Variants in ZNF26 observed in about 807,000 individuals in gnomAD.
The protein encoded by ZNF26 is zinc finger protein 26, also known as epididymis luminal protein 179.
In ZNF26, 32 loss-of-function variants were observed where a neutral mutation model predicts 54.9. The observed-to-expected ratio is 0.58, with a 90% CI of 0.44 to 0.78. The LOEUF (loss-of-function observed/expected upper bound fraction) is 0.78. Among genes scored for constraint, ZNF26 ranks in the 30% least tolerant of loss-of-function variants. The pLI, the probability that ZNF26 is intolerant of heterozygous loss-of-function variation, is 0.00. For missense variants in ZNF26, 524 were observed against 634.0 expected, an observed-to-expected ratio of 0.83 and a Z score of 1.86; for synonymous variants, 221 against 209.2, an observed-to-expected ratio of 1.06 and a Z score of -0.49.
At chr12:133,003,572 G>T (rs1953265309) in intron 1 of ZNF26, among the ~76,000 whole-genome samples, 1 of 152,140 alleles carries the variant, frequency 6.6e-6, no homozygotes, top group African/African-American at 2.4e-5. Context: ...TTTTAGAGGT[G>T]TGTTTGTGTG....
In ZNF26 at chr12:133,011,736, A is replaced by C. The variant is rs943471569; in HGVS notation, c.*255A>C. ...ATCATCATGAAGATTCAGAGAATTT[A>C]CACTAGGAACACCTTATAAGTTGAA... On this transcript the variant is annotated 3_prime_UTR_variant, in exon 4 of 4. Transcript: ENST00000328654. 2.9e-4 allele frequency: 78 copies of C among 271,346 alleles called. 1 individual carries two copies. Among genetic ancestry groups the C allele is most frequent in the Admixed American group, 1.6e-3 (34 of 21,010 alleles). 16.8% of individuals were successfully genotyped at this position (271,346 alleles called of 1,614,324 possible).
chr12:133,019,125 G>A lies in ZNF26; in HGVS notation c.*7644G>A, dbSNP rs1312978761. Reference sequence around the variant, plus strand: ...AGTTTAAAACAAAAGTTTTACTAGAGATAAAGAAAAGTATTTTGTAAAGAT... The same window carrying A: ...AGTTTAAAACAAAAGTTTTACTAGAAATAAAGAAAAGTATTTTGTAAAGAT... On this transcript the variant is annotated 3_prime_UTR_variant, in exon 4 of 4. Coordinates refer to ENST00000328654, the MANE Select transcript of ZNF26 (RefSeq NM_019591.4). 5 of 152,028 alleles carry A rather than the reference G, an allele frequency of 3.3e-5. No homozygotes were observed. The East Asian group carries it at 9.6e-4, about 29-fold the overall frequency. 9.4% of individuals were successfully genotyped at this position (152,028 alleles called of 1,614,324 possible).
Position 133,001,795 on chromosome 12 carries a change from C to G in ZNF26, c.34-5247C>G. The G allele has an allele frequency of 2.1e-6, 2 of 941,756 alleles. No homozygotes were observed. The highest frequency in any genetic ancestry group is 1.2e-4 in the East Asian group (2 of 16,414). 58.3% of individuals were successfully genotyped at this position (941,756 alleles called of 1,614,324 possible). ...TGCTGAACCCTCACTCCCCAGCTGCCTTTTGAGAGTCCCGCGGCAGTCTTT... is the reference window on the plus strand; with the variant it reads ...TGCTGAACCCTCACTCCCCAGCTGCGTTTTGAGAGTCCCGCGGCAGTCTTT... On this transcript the variant is annotated intron_variant, in intron 1 of 3. Coordinates refer to ENST00000328654, the MANE Select transcript of ZNF26 (RefSeq NM_019591.4). The surrounding 1 kb of genome is among the most constrained non-coding windows in gnomAD (Gnocchi z 4.7).
intron 1 of ZNF26, among the ~76,000 whole-genome samples, chr12:132,992,307 T>A (rs1952981586): frequency 7.2e-6 from 1 of 139,062 alleles, no homozygotes; most frequent in South Asian, 2.3e-4. Flanking sequence ...GAATTCTGTT[T>A]TGATGATTTT....
At chr12:132,999,511 T>G (rs2137232967) in intron 1 of ZNF26, among the ~76,000 whole-genome samples, 1 of 152,258 alleles carries the variant, frequency 6.6e-6, no homozygotes, top group Admixed American at 6.5e-5. Context: ...TGCCTCAGCC[T>G]CCCAGAGTGC....
rs2137278981 is a variant in ZNF26, at chr12:133,019,431, A to G, written c.*7950A>G. ...AAAGATCCAAACAGACGTTTCTCAG[A>G]GAAGACATGCAAATGTCTAACAGGT... On this transcript the variant is annotated 3_prime_UTR_variant, in exon 4 of 4. Transcript: ENST00000328654. 1 of 152,364 alleles carries G rather than the reference A, an allele frequency of 6.6e-6. No individual in the cohort carries two copies. Among genetic ancestry groups the G allele is most frequent in the South Asian group, 2.1e-4 (1 of 4,826 alleles). 9.4% of individuals were successfully genotyped at this position (152,364 alleles called of 1,614,324 possible).
rs1229608155 is a variant in ZNF26 at position 133,023,464 on chromosome 12, G to A, written c.*11983G>A. 3.9e-5 allele frequency: 6 copies of A among 152,050 alleles called. No homozygotes were observed. Among genetic ancestry groups the A allele is most frequent in the African/African-American group, 1.2e-4 (5 of 41,382 alleles). 9.4% of individuals were successfully genotyped at this position (152,050 alleles called of 1,614,324 possible). ...CTTTTATAACCTTTACACCAAATCA[G>A]GATAGAGACAGTAGAAGAAAAAATA... On this transcript the variant is annotated 3_prime_UTR_variant, in exon 4 of 4. Coordinates refer to ENST00000328654, the MANE Select transcript of ZNF26 (RefSeq NM_019591.4).
intron 1 of ZNF26, among the ~76,000 whole-genome samples, chr12:132,992,419 G>A (rs1292844928): frequency 2.0e-5 from 3 of 150,998 alleles, no homozygotes; most frequent in African/African-American, 4.9e-5. Flanking sequence ...TTGATTTTTT[G>A]TGTTTTAAAA....
chr12:133,006,711 C>G (rs1317016462), intron 1 of ZNF26: 2 of 193,638 alleles, frequency 1.0e-5, no homozygotes, highest in African/African-American at 4.7e-5. Flanking sequence ...TCTCCTGCCT[C>G]AGCCACCTGA....
intron 3 of ZNF26, among the ~76,000 whole-genome samples, chr12:133,008,586 C>T (rs944103078): frequency 6.6e-6 from 1 of 151,432 alleles, no homozygotes; most frequent in East Asian, 1.9e-4. Flanking sequence ...ACCATCCTGA[C>T]TAACATGGTG....
Position 133,023,912 on chromosome 12 carries a change from T to G in ZNF26, c.*12431T>G, listed in dbSNP as rs2137287544. On this transcript the variant is annotated 3_prime_UTR_variant, in exon 4 of 4. Coordinates refer to ENST00000328654, the MANE Select transcript of ZNF26 (RefSeq NM_019591.4). ...AAATAATCCATATAGAGAAACCACA[T>G]AGAGAGGCTCTGAGATTACATAAAG... 6.6e-6 allele frequency: 1 copy of G among 152,156 alleles called. No homozygotes were observed. The highest frequency in any genetic ancestry group is 1.9e-4 in the East Asian group (1 of 5,186). 9.4% of individuals were successfully genotyped at this position (152,156 alleles called of 1,614,324 possible). A position where few individuals can be genotyped will look rare whatever the true frequency, so the allele number is the denominator to read the frequency against.
At position 132,991,672 on chromosome 12, in the gene ZNF26, G is replaced by A. The variant is rs979322381; in HGVS notation, c.33+4799G>A. 3.9e-3 allele frequency among the ~76,000 whole-genome samples: 595 copies of A among 150,682 alleles called. 3 individuals carry two copies. The highest frequency in any genetic ancestry group is 0.014 in the African/African-American group (564 of 40,874). On this transcript the variant is annotated intron_variant, in intron 1 of 3. Coordinates refer to ENST00000328654, the MANE Select transcript of ZNF26 (RefSeq NM_019591.4). The stretch of plus-strand genomic sequence containing the variant: ...TAAAAAAAAAACCAGGTGTGCTAGT[G>A]TGCACCTGTAGCCCCAGCTACTTGG...
chr12:132,996,166 C>A (rs1953077504), intron 1 of ZNF26, among the ~76,000 whole-genome samples: 1 of 152,178 alleles, frequency 6.6e-6, no homozygotes, highest in African/African-American at 2.4e-5. Flanking sequence ...ACTCAGTCTG[C>A]CATTCCAGCC....
chr12:133,019,040 T>C lies in ZNF26; in HGVS notation c.*7559T>C, dbSNP rs1382285177. ...TAGAAGTAAAGGATGGAAAAAGATA[T>C]AAAACGCAAACAGCAACCATAATAA... On this transcript the variant is annotated 3_prime_UTR_variant, in exon 4 of 4. Coordinates refer to ENST00000328654, the MANE Select transcript of ZNF26 (RefSeq NM_019591.4). The C allele has an allele frequency of 3.3e-5, 5 of 152,158 alleles. No homozygotes were observed. The highest frequency in any genetic ancestry group is 2.1e-4 in the South Asian group (1 of 4,834). The allele number at this position is 152,158 out of a possible 1,614,324, so 9.4% of individuals were successfully genotyped here.
intron 1 of ZNF26, among the ~76,000 whole-genome samples, chr12:132,988,868 CTAAG>C (rs1156952986): frequency 6.6e-6 from 1 of 151,844 alleles, no homozygotes; most frequent in Admixed American, 6.6e-5. Context: ...AGACTTACAC[CTAAG>C]TATTTAATTT....
chr12:133,008,379 C>G (rs1473126271), intron 3 of ZNF26, among the ~76,000 whole-genome samples: 2 of 152,188 alleles, frequency 1.3e-5, no homozygotes, highest in African/African-American at 4.8e-5. Context: ...TCTCTGCTCC[C>G]ACATCTAGTC....
At chr12:132,999,285 C>T (rs1953158639) in intron 1 of ZNF26, among the ~76,000 whole-genome samples, 1 of 152,198 alleles carries the variant, frequency 6.6e-6, no homozygotes, top group South Asian at 2.1e-4. Flanking sequence ...TGGAGTTTTG[C>T]TCTTTGTTGC....
intron 1 of ZNF26, chr12:132,987,666 C>A: frequency 1.0e-6 from 1 of 983,592 alleles, no homozygotes; most frequent in Non-Finnish European, 1.2e-6. Context: ...GTATTTCAGC[C>A]TGTAACTCAC....
chr12:132,989,063 G>C (rs1352952051), intron 1 of ZNF26, among the ~76,000 whole-genome samples: 1 of 99,548 alleles, frequency 1.0e-5, no homozygotes, highest in Non-Finnish European at 1.8e-5. Flanking sequence ...TTTTGAGACA[G>C]AGTCTCGCTG....
Sources: allele counts gnomAD v4.1 joint callset (sites outside exome capture counted in the v4.1 genomes callset), GRCh38; gene constraint gnomAD v4.1.1; non-coding constraint Gnocchi (gnomAD v3.1); transcripts MANE v1.5; gene names NCBI Gene and HGNC (gene_info 2026-07-23, HGNC 2026-07-21).